Variants in MGLL observed in about 807,000 individuals in gnomAD.
MGLL encodes lysophospholipase homolog.
A neutral mutation model predicts 29.1 loss-of-function variants in MGLL; 7 were observed. That is an observed-to-expected ratio of 0.24 (90% confidence interval 0.14 to 0.45). The LOEUF is 0.45. Ranked by LOEUF, MGLL falls within the 20% of genes least tolerant of loss-of-function variation. The pLI, the probability that MGLL is intolerant of heterozygous loss-of-function variation, is 0.99. For missense variants in MGLL, 356 were observed against 413.6 expected (o/e 0.86, Z 1.21); for synonymous variants, 148 against 168.3 (o/e 0.88, Z 0.93).
rs1174705130 is a variant in MGLL, at chr3:127,694,286, A to AAATAT, written c.816+688_816+689insATATT. On this transcript the variant is annotated intron_variant, in intron 7 of 7. Transcript: ENST00000265052. The stretch of plus-strand genomic sequence containing the variant: ...CTCTGTCTGAAAAAAAAAAAAAAAA[A>AAATAT]ATATATATATATATATATATATGTA... Among the ~76,000 whole-genome samples the AAATAT allele has an allele frequency of 2.0e-3, 194 of 97,870 alleles. 2 individuals carry two copies. The highest frequency in any genetic ancestry group is 3.1e-3 in the Non-Finnish European group (159 of 51,990). 64.2% of individuals were successfully genotyped at this position (97,870 alleles called of 152,430 possible).
At chr3:127,742,857 C>G (rs1420106373) in intron 3 of MGLL, among the ~76,000 whole-genome samples, 3 of 152,216 alleles carry the variant, frequency 2.0e-5, no homozygotes, top group Non-Finnish European at 4.4e-5. Context: ...GCTATGTCAC[C>G]AGGCTGGTGT....
chr3:127,696,177 A>C (rs2075357827), intron 6 of MGLL, among the ~76,000 whole-genome samples: 1 of 152,044 alleles, frequency 6.6e-6, no homozygotes, highest in African/African-American at 2.4e-5. Context: ...CTCTCTCCTC[A>C]ACCACCACCC....
intron 3 of MGLL, among the ~76,000 whole-genome samples, chr3:127,724,637 C>T (rs571309149): frequency 2.0e-5 from 3 of 152,208 alleles, no homozygotes; most frequent in Non-Finnish European, 4.4e-5. Flanking sequence ...GGCATGACCC[C>T]GCATTTCCAT....
chr3:127,695,062 C>A lies in MGLL; in HGVS notation c.729G>T (p.Leu243=), dbSNP rs377270837. Residue 243 remains leucine (L), a synonymous_variant, in exon 7 of 8, where the codon CTG becomes CTT. Transcript: ENST00000265052. ...ALPKLTVPFL[L]LQGSADRLCD... is the part of the protein sequence containing the mutation. ...ATAGGCGATCGGCAGAGCCCTGGAGCAGCAGGAAGGGCACAGTCAGCTTGG... is the reference window on the plus strand; with the variant it reads ...ATAGGCGATCGGCAGAGCCCTGGAGAAGCAGGAAGGGCACAGTCAGCTTGG... The A allele has an allele frequency of 6.2e-7, 1 of 1,613,998 alleles. No homozygotes were observed. Among genetic ancestry groups the A allele is most frequent in the Non-Finnish European group, 8.5e-7 (1 of 1,180,022 alleles).
chr3:127,775,698 G>A (rs1285780278), intron 3 of MGLL, among the ~76,000 whole-genome samples: 2 of 152,220 alleles, frequency 1.3e-5, no homozygotes, highest in Non-Finnish European at 2.9e-5. Context: ...TGTAAATACA[G>A]AGGAGGCTTC....
chr3:127,751,194 G>A (rs975092055), intron 3 of MGLL, among the ~76,000 whole-genome samples: 1 of 151,982 alleles, frequency 6.6e-6, no homozygotes, highest in Admixed American at 6.5e-5. Context: ...CACTGCTCTC[G>A]GTCATTCGGT....
chr3:127,771,145 T>C (rs1041932172), intron 3 of MGLL, among the ~76,000 whole-genome samples: 3 of 152,160 alleles, frequency 2.0e-5, no homozygotes, highest in Non-Finnish European at 2.9e-5. Flanking sequence ...ACCAAGCCCA[T>C]GTAAGCAGGA....
Position 127,722,510 on chromosome 3 carries a change from C to T in MGLL, c.319G>A (p.Val107Ile), listed in dbSNP as rs140105585. 1.2e-4 allele frequency: 201 copies of T among 1,614,212 alleles called. 1 individual carries two copies. In the African/African-American group the frequency reaches 1.8e-3, roughly 15 times the overall value. The change falls in exon 4 of 8, where the codon GTC becomes ATC. Residue 107 changes from valine to isoleucine, a missense_variant. Transcript: ENST00000265052. The part of the protein sequence containing the change: ...RMVVSDFHVF[V>I]RDVLQHVDSM... Reference sequence around the variant, plus strand: ...TCCACATGCTGCAACACATCCCTGACGAAAACGTGGAAGTCAGACACTACC... The same window carrying T: ...TCCACATGCTGCAACACATCCCTGATGAAAACGTGGAAGTCAGACACTACC...
chr3:127,710,654 C>A lies in MGLL; in HGVS notation c.522G>T (p.Ala174=), dbSNP rs370914770. Residue 174 remains alanine, a synonymous_variant, in exon 6 of 8, where the codon GCG becomes GCT. Coordinates refer to ENST00000265052, the MANE Select transcript of MGLL (RefSeq NM_007283.7). ...ESATTFKVLA[A]KVLNLVLPNL... is the part of the protein sequence containing the mutation. Reference sequence around the variant, plus strand: ...TTGGCAGCACAAGGTTGAGCACTTTCGCAGCAAGGACCTAGCCGGGGAGGG... The same window carrying A: ...TTGGCAGCACAAGGTTGAGCACTTTAGCAGCAAGGACCTAGCCGGGGAGGG... 3.8e-6 allele frequency: 6 copies of A among 1,570,604 alleles called. No individual in the cohort carries two copies. Among genetic ancestry groups the A allele is most frequent in the Non-Finnish European group, 5.2e-6 (6 of 1,156,946 alleles).
At chr3:127,777,382 A>G (rs780923105) in intron 3 of MGLL, among the ~76,000 whole-genome samples, 75 of 152,250 alleles carry the variant, frequency 4.9e-4, no homozygotes, top group Non-Finnish European at 9.7e-4. Flanking sequence ...TGTCTACCTT[A>G]CCAACAGAAG....
At chr3:127,700,584 A>G (rs946489345) in intron 6 of MGLL, among the ~76,000 whole-genome samples, 1 of 152,288 alleles carries the variant, frequency 6.6e-6, no homozygotes, top group Admixed American at 6.5e-5. Flanking sequence ...TGGCTGGCAC[A>G]GGGGAAGCCT....
At chr3:127,801,135 C>A (rs1382389915) in intron 2 of MGLL, among the ~76,000 whole-genome samples, 1 of 151,802 alleles carries the variant, frequency 6.6e-6, no homozygotes, top group East Asian at 1.9e-4. Context: ...AACCCCATCT[C>A]TAGTAAAAAT....
At chr3:127,814,099 G>A (rs1331122245) in intron 2 of MGLL, among the ~76,000 whole-genome samples, 1 of 151,858 alleles carries the variant, frequency 6.6e-6, no homozygotes, top group Non-Finnish European at 1.5e-5. Context: ...GTGACTCCCT[G>A]GAAGGTGAGG....
intron 2 of MGLL, among the ~76,000 whole-genome samples, chr3:127,797,423 T>A (rs2077402863): frequency 6.6e-6 from 1 of 152,164 alleles, no homozygotes; most frequent in African/African-American, 2.4e-5. Context: ...GCATGCAGCC[T>A]ATTTTCTGAG....
chr3:127,731,093 A>G (rs1046617252), intron 3 of MGLL, among the ~76,000 whole-genome samples: 1 of 152,218 alleles, frequency 6.6e-6, no homozygotes, highest in African/African-American at 2.4e-5. Context: ...AGCTGATGCA[A>G]TATGTTTCCT....
intron 2 of MGLL, among the ~76,000 whole-genome samples, chr3:127,792,212 G>T (rs115304429): frequency 7.8e-4 from 118 of 152,178 alleles, no homozygotes; most frequent in Non-Finnish European, 1.4e-3. Context: ...ACCCATCCAC[G>T]TTTTTTTCTT....
At chr3:127,758,908 T>TC (rs1472185601) in intron 3 of MGLL, among the ~76,000 whole-genome samples, 1 of 140,706 alleles carries the variant, frequency 7.1e-6, no homozygotes, top group Non-Finnish European at 1.5e-5. Context: ...CTTTTTCTTT[T>TC]TTTTTTCTTT....
chr3:127,725,562 C>T (rs997659049), intron 3 of MGLL, among the ~76,000 whole-genome samples: 45 of 152,122 alleles, frequency 3.0e-4, no homozygotes, highest in Non-Finnish European at 8.8e-5. Context: ...TGTAGGGCTT[C>T]GTTCACTTGA....
chr3:127,696,154 C>T (rs1021725582), intron 6 of MGLL, among the ~76,000 whole-genome samples: 9 of 152,296 alleles, frequency 5.9e-5, no homozygotes, highest in African/African-American at 1.2e-4. Flanking sequence ...TCCCCCTCTA[C>T]GGGATGTGGG....
Sources: gnomAD v4.1 joint callset for allele counts (sites outside exome capture counted in the v4.1 genomes callset) on GRCh38, gnomAD v4.1.1 for gene constraint, MANE v1.5 for transcripts, NCBI Gene and HGNC (gene_info 2026-07-23, HGNC 2026-07-21) for gene names.